Variants in DCAF8L2 observed in about 807,000 individuals in gnomAD.
The protein encoded by DCAF8L2 is DDB1 and CUL4 associated factor 8 like 2.
For missense variants in DCAF8L2, 430 were observed against 490.7 expected, an observed-to-expected ratio of 0.88 and a Z score of 1.17; for synonymous variants, 200 against 190.9, an observed-to-expected ratio of 1.05 and a Z score of -0.39.
the DCAF8L2 span, among the ~76,000 whole-genome samples, chrX:27,490,146 T>C: frequency 8.9e-6 from 1 of 112,305 alleles, no homozygotes; most frequent in South Asian, 3.7e-4. Context: ...CCACTGTTCC[T>C]GGCCTTATTT....
chrX:27,711,398 CGTGTGTGTGT>C (rs10574517), intron 3 of DCAF8L2, among the ~76,000 whole-genome samples: 6 of 94,938 alleles, frequency 6.3e-5, no homozygotes, highest in Non-Finnish European at 1.1e-4. Context: ...TGTGTGTGTA[CGTGTGTGTGT>C]GTGTGTGTGT....
At chrX:27,640,017 A>C (rs760026678) in intron 2 of DCAF8L2, among the ~76,000 whole-genome samples, 1 of 111,431 alleles carries the variant, frequency 9.0e-6, no homozygotes, top group Non-Finnish European at 1.9e-5. Context: ...TACACGTGTC[A>C]TGTTGGTGTG....
At chrX:27,570,917 A>G in the DCAF8L2 span, among the ~76,000 whole-genome samples, 1 of 111,682 alleles carries the variant, frequency 9.0e-6, no homozygotes, top group Middle Eastern at 4.6e-3. Flanking sequence ...TTAGAGTTCA[A>G]TAATAATACA....
At chrX:27,584,586 T>C in the DCAF8L2 span, among the ~76,000 whole-genome samples, 1 of 111,150 alleles carries the variant, frequency 9.0e-6, no homozygotes, top group African/African-American at 3.3e-5. Flanking sequence ...ATACATTGTT[T>C]GCACTACACT....
chrX:27,511,375 C>T, the DCAF8L2 span, among the ~76,000 whole-genome samples: 34 of 111,072 alleles, frequency 3.1e-4, no homozygotes, highest in East Asian at 6.5e-3. Context: ...TTCATGTGTA[C>T]ATTCAAACAG....
chrX:27,714,366 A>G (rs1848897116), intron 3 of DCAF8L2, among the ~76,000 whole-genome samples: 1 of 111,164 alleles, frequency 9.0e-6, no homozygotes. Flanking sequence ...ATGTATGGTA[A>G]TTCATTGTGA....
chrX:27,701,695 G>A (rs1235241074), intron 3 of DCAF8L2, among the ~76,000 whole-genome samples: 1 of 110,931 alleles, frequency 9.0e-6, no homozygotes, highest in Admixed American at 9.6e-5. Flanking sequence ...ACCAAAACTT[G>A]TGTCCAAAGA....
At chrX:27,597,325 A>G (rs1220988104) in intron 1 of DCAF8L2, among the ~76,000 whole-genome samples, 1 of 111,639 alleles carries the variant, frequency 9.0e-6, no homozygotes, top group Admixed American at 9.6e-5. Flanking sequence ...CTAACTGTAT[A>G]TTGCTGATGA....
the DCAF8L2 span, among the ~76,000 whole-genome samples, chrX:27,496,668 CTTA>C: frequency 7.5e-3 from 843 of 112,011 alleles, 10 homozygotes; most frequent in African/African-American, 0.026. Flanking sequence ...CCACTTTTTA[CTTA>C]TTATGTATAA....
At chrX:27,626,494 T>C (rs1245156880) in intron 1 of DCAF8L2, among the ~76,000 whole-genome samples, 2 of 111,786 alleles carry the variant, frequency 1.8e-5, no homozygotes, top group Non-Finnish European at 3.8e-5. Context: ...GAGGTGGATC[T>C]CAGAGTAAAG....
the DCAF8L2 span, among the ~76,000 whole-genome samples, chrX:27,486,195 G>A: frequency 9.2e-6 from 1 of 108,329 alleles, no homozygotes; most frequent in African/African-American, 3.4e-5. Context: ...TAGTAGAGAG[G>A]GGGTTTCACC....
chrX:27,638,098 A>G (rs1219424336), intron 2 of DCAF8L2, among the ~76,000 whole-genome samples: 2 of 112,230 alleles, frequency 1.8e-5, no homozygotes, highest in East Asian at 5.6e-4. Context: ...CTTAGATTGT[A>G]TGGTAATTTA....
At chrX:27,525,241 T>C in the DCAF8L2 span, among the ~76,000 whole-genome samples, 3 of 112,194 alleles carry the variant, frequency 2.7e-5, no homozygotes, top group Non-Finnish European at 1.9e-5. Flanking sequence ...ATATTTAGGA[T>C]AGTTAGCTCT....
the DCAF8L2 span, among the ~76,000 whole-genome samples, chrX:27,477,005 T>C: frequency 8.9e-6 from 1 of 112,164 alleles, no homozygotes; most frequent in South Asian, 3.7e-4. Context: ...AGTAGGTAAC[T>C]CATTGAAAGA....
the DCAF8L2 span, among the ~76,000 whole-genome samples, chrX:27,546,737 T>C: frequency 8.9e-6 from 1 of 112,279 alleles, no homozygotes; most frequent in Admixed American, 9.4e-5. Flanking sequence ...CTTGGTCCCT[T>C]TTAGCCACTA....
At chrX:27,642,452 T>A (rs1928773585) in intron 2 of DCAF8L2, among the ~76,000 whole-genome samples, 1 of 111,213 alleles carries the variant, frequency 9.0e-6, no homozygotes, top group Non-Finnish European at 1.9e-5. Flanking sequence ...TCCACTTGCT[T>A]CTTTCAGATA....
chrX:27,614,349 C>A (rs1485318005), intron 1 of DCAF8L2, among the ~76,000 whole-genome samples: 14 of 110,771 alleles, frequency 1.3e-4, no homozygotes, highest in African/African-American at 4.3e-4. Flanking sequence ...CTCTTTTCTT[C>A]TTTATTAGTC....
chrX:27,498,771 A>T, the DCAF8L2 span, among the ~76,000 whole-genome samples: 1 of 112,172 alleles, frequency 8.9e-6, no homozygotes, highest in East Asian at 2.8e-4. Flanking sequence ...GTATGACTTT[A>T]TTAGATTCCA....
the DCAF8L2 span, among the ~76,000 whole-genome samples, chrX:27,490,891 A>G: frequency 9.0e-6 from 1 of 111,568 alleles, no homozygotes; most frequent in Non-Finnish European, 1.9e-5. Flanking sequence ...TGTCTGTATG[A>G]TCATGTGTAT....
Sources: gnomAD v4.1 joint callset for allele counts (sites outside exome capture counted in the v4.1 genomes callset) on GRCh38, gnomAD v4.1.1 for gene constraint, MANE v1.5 for transcripts, NCBI Gene and HGNC (gene_info 2026-07-23, HGNC 2026-07-21) for gene names.